Variants in IGSF5 observed in about 807,000 individuals in gnomAD.
The protein encoded by IGSF5 is immunoglobulin superfamily member 5, also known as immunoglobulin superfamily 5 like.
Under a neutral mutation model 39.4 loss-of-function variants are expected in IGSF5, and 41 were observed. The ratio of observed to expected loss-of-function variants is 1.04; its 90% CI spans 0.81 to 1.35. The LOEUF (loss-of-function observed/expected upper bound fraction) is 1.35. Among genes scored for constraint, IGSF5 ranks in the 40% most tolerant of loss-of-function variants. IGSF5 has a pLI of 0.00. For missense variants in IGSF5, 487 were observed against 494.6 expected, an observed-to-expected ratio of 0.98 and a Z score of 0.15; for synonymous variants, 183 against 175.3, an observed-to-expected ratio of 1.04 and a Z score of -0.34.
At chr21:39,739,014 G>A in the IGSF5 span, among the ~76,000 whole-genome samples, 11 of 151,904 alleles carry the variant, frequency 7.2e-5, no homozygotes, top group East Asian at 3.9e-4. Flanking sequence ...TCAGCCTCCT[G>A]AGTAGCTGTG....
At chr21:39,756,582 A>G (rs2080031561) in intron 2 of IGSF5, among the ~76,000 whole-genome samples, 1 of 152,210 alleles carries the variant, frequency 6.6e-6, no homozygotes, top group Non-Finnish European at 1.5e-5. Flanking sequence ...GAATGTGTGT[A>G]GATGCCAAAG....
chr21:39,749,016 A>C (rs371503670), intron 2 of IGSF5, among the ~76,000 whole-genome samples: 22 of 151,092 alleles, frequency 1.5e-4, no homozygotes, highest in African/African-American at 5.4e-4. Flanking sequence ...CTGTGGAAGA[A>C]ACATAAAAGA....
the IGSF5 span, among the ~76,000 whole-genome samples, chr21:39,717,387 T>C: frequency 6.6e-6 from 1 of 152,236 alleles, no homozygotes; most frequent in African/African-American, 2.4e-5. Flanking sequence ...TTGTGATTGC[T>C]TTTGGTGTCT....
In IGSF5 at chr21:39,770,650, T is replaced by A. The variant is rs138813446; in HGVS notation, c.419-266T>A. On this transcript the variant is annotated intron_variant, in intron 3 of 8. Coordinates refer to ENST00000380588, the MANE Select transcript of IGSF5 (RefSeq NM_001080444.2). The stretch of plus-strand genomic sequence containing the variant: ...TAATTATTTCCCCCTGGTTTCTGAC[T>A]TTTATGAAGCATTTTCTATGTAACT... 7.0e-3 allele frequency among the ~76,000 whole-genome samples: 1,038 copies of A among 149,284 alleles called. 13 individuals carry two copies. Among genetic ancestry groups the A allele is most frequent in the African/African-American group, 0.024 (1,003 of 40,942 alleles).
chr21:39,724,087 T>C, the IGSF5 span, among the ~76,000 whole-genome samples: 2 of 107,872 alleles, frequency 1.9e-5, no homozygotes, highest in African/African-American at 5.9e-5. Context: ...TAAAATAAAA[T>C]AAAATAAAAT....
chr21:39,788,937 A>G (rs2086942769), intron 6 of IGSF5, among the ~76,000 whole-genome samples: 1 of 152,170 alleles, frequency 6.6e-6, no homozygotes, highest in African/African-American at 2.4e-5. Context: ...CCTTTTGGCT[A>G]CATTCTGTGA....
intron 6 of IGSF5, among the ~76,000 whole-genome samples, chr21:39,789,210 T>C (rs546614296): frequency 1.3e-5 from 2 of 152,332 alleles, no homozygotes; most frequent in East Asian, 3.9e-4. Context: ...TCCATTTCTG[T>C]TCTCTGGGGT....
At chr21:39,752,006 T>A (rs1345025674) in intron 2 of IGSF5, among the ~76,000 whole-genome samples, 1 of 152,200 alleles carries the variant, frequency 6.6e-6, no homozygotes, top group Non-Finnish European at 1.5e-5. Context: ...TATTTCTTTC[T>A]TCTTTTTTTC....
chr21:39,784,417 G>A (rs970371698), intron 5 of IGSF5, among the ~76,000 whole-genome samples: 4 of 152,086 alleles, frequency 2.6e-5, no homozygotes, highest in African/African-American at 9.7e-5. Flanking sequence ...ATTAACCGAT[G>A]GTTGTTGGCC....
chr21:39,791,918 C>A, intron 6 of IGSF5, 90 bp from the exon 7 acceptor site: 1 of 801,642 alleles, frequency 1.2e-6, no homozygotes. Context: ...TGAGAGTAAC[C>A]ACGTGAACTA....
chr21:39,719,272 G>A, the IGSF5 span, among the ~76,000 whole-genome samples: 130 of 152,238 alleles, frequency 8.5e-4, no homozygotes, highest in African/African-American at 2.9e-3. Flanking sequence ...GTGTAGCTGG[G>A]GCTACAGGTG....
At chr21:39,760,821 C>T (rs1236572409) in intron 2 of IGSF5, among the ~76,000 whole-genome samples, 7 of 152,106 alleles carry the variant, frequency 4.6e-5, no homozygotes, top group Admixed American at 3.9e-4. Flanking sequence ...CCGCCCACCT[C>T]GGCCTACCAA....
At chr21:39,801,189 GCT>G in intron 8 of IGSF5, 71 bp from the exon 9 acceptor site, 2 of 1,032,740 alleles carry the variant, frequency 1.9e-6, no homozygotes, top group East Asian at 2.5e-5. Context: ...GATGAGTGAA[GCT>G]CTCTTTTCAA....
intron 3 of IGSF5, among the ~76,000 whole-genome samples, chr21:39,768,125 A>G (rs2837188): frequency 0.78 from 118,461 of 152,166 alleles, 46,256 homozygotes; most frequent in East Asian, 0.9. Flanking sequence ...AAGAGCAAGC[A>G]TCTAGAGAAG....
intron 2 of IGSF5, among the ~76,000 whole-genome samples, chr21:39,761,920 G>C (rs2146277605): frequency 6.6e-6 from 1 of 152,230 alleles, no homozygotes; most frequent in South Asian, 2.1e-4. Flanking sequence ...CTCCTGCCTT[G>C]ACCTCCCAAA....
At chr21:39,788,501 A>G (rs905414766) in intron 6 of IGSF5, among the ~76,000 whole-genome samples, 29 of 152,280 alleles carry the variant, frequency 1.9e-4, no homozygotes, top group African/African-American at 6.3e-4. Context: ...GTGCACCATG[A>G]CTATCATCCC....
At chr21:39,769,047 C>A (rs2146281650) in intron 3 of IGSF5, among the ~76,000 whole-genome samples, 1 of 152,308 alleles carries the variant, frequency 6.6e-6, no homozygotes, top group East Asian at 1.9e-4. Flanking sequence ...CAGAATTTTC[C>A]AGATGACTGA....
chr21:39,728,183 T>A, the IGSF5 span, among the ~76,000 whole-genome samples: 1 of 152,164 alleles, frequency 6.6e-6, no homozygotes, highest in South Asian at 2.1e-4. Context: ...TATGTTCACG[T>A]CCCAACCCTT....
At chr21:39,767,368 C>A (rs937481733) in intron 3 of IGSF5, among the ~76,000 whole-genome samples, 21 of 152,164 alleles carry the variant, frequency 1.4e-4, no homozygotes, top group African/African-American at 5.1e-4. Flanking sequence ...CAATTCCCTG[C>A]ACATTAAGTT....
Sources: gnomAD v4.1 joint callset for allele counts (sites outside exome capture counted in the v4.1 genomes callset) on GRCh38, gnomAD v4.1.1 for gene constraint, MANE v1.5 for transcripts, NCBI Gene and HGNC (gene_info 2026-07-23, HGNC 2026-07-21) for gene names.